The following CDH12 variants were observed in gnomAD, a reference collection of about 807,000 sequenced individuals.
The protein encoded by CDH12 is cadherin 12, also known as cadherin-12.
Under a neutral mutation model 74.1 loss-of-function variants are expected in CDH12, and 41 were observed. That is an observed-to-expected ratio of 0.55 (90% CI 0.43 to 0.72). The LOEUF (loss-of-function observed/expected upper bound fraction) is 0.72. Among genes scored for constraint, CDH12 ranks in the 30% least tolerant of loss-of-function variants. The probability of loss-of-function intolerance (pLI) is 0.00; values close to 1 mark genes in which losing one functional copy is unlikely to be tolerated. For synonymous variants in CDH12, 399 were observed against 355.0 expected, an observed-to-expected ratio of 1.12 and a Z score of -1.39; for missense variants, 945 against 977.2, an observed-to-expected ratio of 0.97 and a Z score of 0.44.
chr5:22,815,394 G>A (rs1749338455), intron 1 of CDH12, among the ~76,000 whole-genome samples: 1 of 152,062 alleles, frequency 6.6e-6, no homozygotes, highest in Admixed American at 6.6e-5. Context: ...CTACAGTAGA[G>A]AAAGGAGATA....
intron 1 of CDH12, among the ~76,000 whole-genome samples, chr5:22,719,343 T>A (rs906104176): frequency 6.6e-6 from 1 of 152,206 alleles, no homozygotes; most frequent in Non-Finnish European, 1.5e-5. Flanking sequence ...TATAACTAGA[T>A]TGATCTAATC....
intron 3 of CDH12, among the ~76,000 whole-genome samples, chr5:22,264,624 C>T (rs948323999): frequency 6.6e-6 from 1 of 152,132 alleles, no homozygotes; most frequent in South Asian, 2.1e-4. Flanking sequence ...GCCATGACAG[C>T]TGGATCACAA....
At chr5:22,049,068 A>G (rs1740164817) in intron 5 of CDH12, among the ~76,000 whole-genome samples, 1 of 152,160 alleles carries the variant, frequency 6.6e-6, no homozygotes, top group South Asian at 2.1e-4. Flanking sequence ...AGCGACTAGC[A>G]TATAATCTTA....
At chr5:21,985,786 T>C (rs910942246) in intron 5 of CDH12, among the ~76,000 whole-genome samples, 1 of 152,150 alleles carries the variant, frequency 6.6e-6, no homozygotes, top group Non-Finnish European at 1.5e-5. Flanking sequence ...AAGAACATCA[T>C]AGTGGCCATT....
At chr5:22,330,327 T>C (rs1380709870) in intron 3 of CDH12, among the ~76,000 whole-genome samples, 8 of 152,184 alleles carry the variant, frequency 5.3e-5, no homozygotes, top group Admixed American at 1.3e-4. Context: ...TAAAGAACCC[T>C]TGGGCCCTGA....
intron 1 of CDH12, among the ~76,000 whole-genome samples, chr5:22,798,756 T>G (rs2126409587): frequency 6.6e-6 from 1 of 152,322 alleles, no homozygotes; most frequent in Admixed American, 6.5e-5. Flanking sequence ...CAAGTAATTA[T>G]AAGTATAGTA....
chr5:22,126,927 C>T (rs1035985900), intron 4 of CDH12, among the ~76,000 whole-genome samples: 3 of 152,114 alleles, frequency 2.0e-5, no homozygotes, highest in African/African-American at 7.2e-5. Context: ...TTTATTCATT[C>T]CCGTGTTAAA....
intron 6 of CDH12, among the ~76,000 whole-genome samples, chr5:21,886,304 C>T (rs953338361): frequency 9.9e-5 from 15 of 151,654 alleles, no homozygotes; most frequent in African/African-American, 3.6e-4. Flanking sequence ...CATTCATTAC[C>T]AGGCATATTC....
At chr5:22,720,604 A>G (rs1743831740) in intron 1 of CDH12, among the ~76,000 whole-genome samples, 1 of 152,160 alleles carries the variant, frequency 6.6e-6, no homozygotes, top group African/African-American at 2.4e-5. Flanking sequence ...AGAAAAAGAC[A>G]GAAAGATGTG....
In CDH12 at chr5:22,704,185, C is replaced by A. The variant is rs146432029; in HGVS notation, c.-523+148873G>T. Among the ~76,000 whole-genome samples the A allele has an allele frequency of 3.1e-3, 477 of 152,136 alleles. 4 individuals are homozygous for A. Among genetic ancestry groups the A allele is most frequent in the African/African-American group, 0.011 (458 of 41,502 alleles). On this transcript the variant is annotated intron_variant, in intron 1 of 14. Transcript: ENST00000382254. ...CAGCTGAGGATTTCTACACATGGAA[C>A]TTTTTTGTGGCTATCTTATCCTATA...
At chr5:22,712,896 T>G (rs1743361372) in intron 1 of CDH12, among the ~76,000 whole-genome samples, 1 of 152,132 alleles carries the variant, frequency 6.6e-6, no homozygotes, top group African/African-American at 2.4e-5. Context: ...ATTGCCCATT[T>G]AGATAGTTTG....
intron 5 of CDH12, among the ~76,000 whole-genome samples, chr5:22,060,418 T>C (rs918067463): frequency 2.6e-5 from 4 of 152,044 alleles, no homozygotes; most frequent in Admixed American, 6.6e-5. Flanking sequence ...CAAACCACCA[T>C]GGCACATGTA....
At chr5:22,559,580 A>C (rs956260309) in intron 1 of CDH12, among the ~76,000 whole-genome samples, 1 of 152,108 alleles carries the variant, frequency 6.6e-6, no homozygotes, top group Non-Finnish European at 1.5e-5. Flanking sequence ...CAAAGAGGAG[A>C]AGAGTTTGAT....
chr5:22,131,451 G>T (rs1326660794), intron 4 of CDH12, among the ~76,000 whole-genome samples: 4 of 151,976 alleles, frequency 2.6e-5, no homozygotes, highest in Admixed American at 6.6e-5. Context: ...TTTAGCTATT[G>T]GTATCAGTAT....
intron 1 of CDH12, among the ~76,000 whole-genome samples, chr5:22,595,814 C>T (rs1284790433): frequency 1.3e-5 from 2 of 152,116 alleles, no homozygotes; most frequent in African/African-American, 4.8e-5. Flanking sequence ...CCGTGGCTCA[C>T]ACCTGTAATC....
At chr5:22,065,085 G>T (rs1435453379) in intron 5 of CDH12, among the ~76,000 whole-genome samples, 1 of 152,058 alleles carries the variant, frequency 6.6e-6, no homozygotes, top group East Asian at 1.9e-4. Context: ...ACCCTGCATT[G>T]CCCAGGGAAA....
intron 4 of CDH12, among the ~76,000 whole-genome samples, chr5:22,112,923 CAA>C (rs1352318337): frequency 2.0e-5 from 3 of 152,048 alleles, no homozygotes; most frequent in African/African-American, 7.2e-5. Flanking sequence ...AGAATATAAG[CAA>C]AGAGATGAGT....
At chr5:22,845,412 T>C (rs1737256013) in intron 1 of CDH12, among the ~76,000 whole-genome samples, 1 of 152,166 alleles carries the variant, frequency 6.6e-6, no homozygotes. Context: ...CTCAAACTCC[T>C]TTAATAGGCA....
At chr5:22,506,571 G>T (rs183877757) in intron 1 of CDH12, among the ~76,000 whole-genome samples, 1 of 151,854 alleles carries the variant, frequency 6.6e-6, no homozygotes, top group Non-Finnish European at 1.5e-5. Flanking sequence ...TACTATAAAT[G>T]TTATAATCTT....
Sources: gnomAD v4.1 joint callset for allele counts (sites outside exome capture counted in the v4.1 genomes callset) on GRCh38, gnomAD v4.1.1 for gene constraint, MANE v1.5 for transcripts, NCBI Gene and HGNC (gene_info 2026-07-23, HGNC 2026-07-21) for gene names.